Variants in SNCAIP observed in about 807,000 individuals in gnomAD.
SNCAIP encodes synuclein alpha interacting protein.
Under a neutral mutation model 86.7 loss-of-function variants are expected in SNCAIP, and 43 were observed. The observed-to-expected ratio is 0.50, with a 90% CI of 0.39 to 0.64. The LOEUF (loss-of-function observed/expected upper bound fraction) is 0.64, where lower values mean the gene tolerates loss of function less well. Among genes scored for constraint, SNCAIP ranks in the 30% least tolerant of loss-of-function variants. SNCAIP has a pLI of 0.00. For missense variants in SNCAIP, 981 were observed against 1,103.1 expected, an observed-to-expected ratio of 0.89 and a Z score of 1.57; for synonymous variants, 417 against 427.2, an observed-to-expected ratio of 0.98 and a Z score of 0.29.
chr5:122,450,365 C>T (rs1298035227), intron 9 of SNCAIP, among the ~76,000 whole-genome samples, 168 bp from the exon 10 acceptor site: 1 of 152,210 alleles, frequency 6.6e-6, no homozygotes, highest in African/African-American at 2.4e-5. Context: ...CACCTTATAG[C>T]TGATACTATG....
chr5:122,463,001 T>C (rs1786797020), intron 10 of SNCAIP, among the ~76,000 whole-genome samples: 1 of 152,236 alleles, frequency 6.6e-6, no homozygotes, highest in South Asian at 2.1e-4. Context: ...CTTTTTCCCA[T>C]AGATTTATCT....
chr5:122,431,095 T>A (rs1203547400), intron 5 of SNCAIP, among the ~76,000 whole-genome samples: 1 of 152,152 alleles, frequency 6.6e-6, no homozygotes, highest in African/African-American at 2.4e-5. Flanking sequence ...AGAATACTGA[T>A]TAACTGACCA....
chr5:122,340,406 C>A (rs1024664922), intron 1 of SNCAIP, among the ~76,000 whole-genome samples: 4 of 152,044 alleles, frequency 2.6e-5, no homozygotes, highest in African/African-American at 9.7e-5. Context: ...AGTTGCCTGG[C>A]AAGAATTATT....
intron 1 of SNCAIP, among the ~76,000 whole-genome samples, chr5:122,339,663 TTGTC>T (rs113217597): frequency 0.19 from 29,009 of 152,094 alleles, 2,824 homozygotes; most frequent in South Asian, 0.3. Context: ...ATCTGATCAT[TTGTC>T]TGTCTGATAT....
chr5:122,371,937 A>C (rs1402759167), intron 1 of SNCAIP, among the ~76,000 whole-genome samples: 1 of 152,156 alleles, frequency 6.6e-6, no homozygotes, highest in African/African-American at 2.4e-5. Flanking sequence ...TTTGACTGAT[A>C]ATGGATGTTT....
At chr5:122,319,198 A>T (rs558406122) in intron 1 of SNCAIP, among the ~76,000 whole-genome samples, 123 of 152,072 alleles carry the variant, frequency 8.1e-4, no homozygotes, top group Non-Finnish European at 1.4e-3. Flanking sequence ...AGAATAAAAC[A>T]TTATAGCTGC....
chr5:122,416,174 G>T (rs926092148), intron 3 of SNCAIP, among the ~76,000 whole-genome samples: 7 of 152,156 alleles, frequency 4.6e-5, no homozygotes, highest in Non-Finnish European at 8.8e-5. Flanking sequence ...TGCAAATAGG[G>T]TGCAAAGTTA....
In SNCAIP at chr5:122,450,763, C is replaced by T; in HGVS notation, c.1916C>T (p.Ser639Phe). ...SENVCTQEKLSLEFQDAQASS... is the reference protein window; with the variant it reads ...SENVCTQEKLFLEFQDAQASS... ...AATGTCTGCACCCAGGAAAAACTGTCCTTGGAATTCCAGGATGCTCAGGCT... is the reference window on the plus strand; with the variant it reads ...AATGTCTGCACCCAGGAAAAACTGTTCTTGGAATTCCAGGATGCTCAGGCT... Residue 639 changes from serine (S) to phenylalanine (F), a missense_variant, in exon 10 of 11, where the codon TCC becomes TTC. Ser to Phe is a radical substitution (Grantham distance 155). Transcript: ENST00000261368. 1 of 1,614,006 alleles carries T rather than the reference C, an allele frequency of 6.2e-7. No individual in the cohort carries two copies. Among genetic ancestry groups the T allele is most frequent in the Non-Finnish European group, 8.5e-7 (1 of 1,179,894 alleles).
chr5:122,394,946 T>G (rs1311380190), intron 2 of SNCAIP, among the ~76,000 whole-genome samples: 1 of 152,170 alleles, frequency 6.6e-6, no homozygotes, highest in Non-Finnish European at 1.5e-5. Context: ...TTGTCTGACA[T>G]TCACAAGGTT....
At chr5:122,396,594 T>C (rs1770672762) in intron 2 of SNCAIP, among the ~76,000 whole-genome samples, 1 of 152,204 alleles carries the variant, frequency 6.6e-6, no homozygotes, top group Non-Finnish European at 1.5e-5. Flanking sequence ...AAGCATTTAC[T>C]AAACATTAAC....
chr5:122,423,100 C>T lies in SNCAIP; in HGVS notation c.363C>T (p.Gly121=). ...TGGGCCCCCAGCCTCAGGAGCTTGG[C>T]CCTGGAGATGGAGTGGGCGGCCCAC... is the stretch of plus-strand genomic sequence containing the variant. ...SDLGPQPQEL[G]PGDGVGGPPG... The change falls in exon 4 of 11, where the codon GGC becomes GGT. Residue 121 remains glycine, a synonymous_variant. Transcript: ENST00000261368. 1 of 1,614,112 alleles carries T rather than the reference C, an allele frequency of 6.2e-7. No homozygotes were observed. Among genetic ancestry groups the T allele is most frequent in the Non-Finnish European group, 8.5e-7 (1 of 1,180,006 alleles).
intron 7 of SNCAIP, among the ~76,000 whole-genome samples, chr5:122,442,112 CTTTTTTTTTTTT>C (rs10688988): frequency 4.6e-5 from 3 of 65,734 alleles, no homozygotes; most frequent in Admixed American, 2.2e-4. Flanking sequence ...AAGCAGTACT[CTTTTTTTTTTTT>C]TTTTTTTTTT....
At chr5:122,355,670 C>T (rs993683741) in intron 1 of SNCAIP, among the ~76,000 whole-genome samples, 1 of 152,204 alleles carries the variant, frequency 6.6e-6, no homozygotes, top group African/African-American at 2.4e-5. Context: ...CATGGAATCT[C>T]CCCTCGCATG....
chr5:122,453,594 A>G (rs1416795763), intron 10 of SNCAIP, among the ~76,000 whole-genome samples: 2 of 152,298 alleles, frequency 1.3e-5, no homozygotes, highest in South Asian at 2.1e-4. Context: ...CATGGACTAC[A>G]TAACACAGAA....
chr5:122,452,731 C>T (rs1783954342), intron 10 of SNCAIP, among the ~76,000 whole-genome samples: 1 of 152,158 alleles, frequency 6.6e-6, no homozygotes, highest in African/African-American at 2.4e-5. Context: ...TCAAACTTTT[C>T]CAGGTAACTT....
In SNCAIP at chr5:122,389,488, A is replaced by G. The variant is rs1389860470; in HGVS notation, c.-46-1601A>G. The G allele has an allele frequency of 3.9e-5, 6 of 152,190 alleles. No individual in the cohort carries two copies. In the East Asian group the frequency reaches 1.2e-3, roughly 29 times the overall value. 9.4% of individuals were successfully genotyped at this position (152,190 alleles called of 1,614,324 possible). A position where few individuals can be genotyped will look rare whatever the true frequency, so the allele number is the denominator to read the frequency against. On this transcript the variant is annotated intron_variant, in intron 1 of 10. Transcript: ENST00000261368. ...GTATCAGAATCCATCACAGTAGGAG[A>G]GAATGTTGTTTTGAGTAATTTCCAA...
intron 1 of SNCAIP, among the ~76,000 whole-genome samples, chr5:122,348,071 A>G (rs1247881199): frequency 6.6e-6 from 1 of 152,158 alleles, no homozygotes; most frequent in South Asian, 2.1e-4. Flanking sequence ...AATACTGAAT[A>G]TATTTCAATT....
intron 1 of SNCAIP, among the ~76,000 whole-genome samples, chr5:122,341,500 T>C (rs991039172): frequency 6.6e-5 from 10 of 152,234 alleles, no homozygotes; most frequent in African/African-American, 2.4e-4. Flanking sequence ...TTTCATCTGT[T>C]TTAGCGTATT....
At chr5:122,448,633 TTA>T (rs1216573203) in intron 8 of SNCAIP, among the ~76,000 whole-genome samples, 11 of 137,232 alleles carry the variant, frequency 8.0e-5, no homozygotes, top group South Asian at 2.2e-4. Context: ...ATAATATATA[TTA>T]TATGTTATAT....
Sources: allele counts gnomAD v4.1 joint callset (sites outside exome capture counted in the v4.1 genomes callset), GRCh38; gene constraint gnomAD v4.1.1; transcripts MANE v1.5; gene names NCBI Gene and HGNC (gene_info 2026-07-23, HGNC 2026-07-21).